RBFOX3: variants seen among roughly 807,000 people sequenced by gnomAD.
RBFOX3 encodes RNA binding fox-1 homolog 3, also known as RNA binding protein fox-1 homolog 3.
In RBFOX3, 17 loss-of-function variants were observed where a neutral mutation model predicts 48.7. That is an observed-to-expected ratio of 0.35 (90% CI 0.24 to 0.52). The LOEUF is 0.52. Ranked by LOEUF, RBFOX3 falls within the 20% of genes least tolerant of loss-of-function variation. RBFOX3 has a pLI of 0.94. For missense variants in RBFOX3, 382 were observed against 497.5 expected (o/e 0.77, Z 2.21); for synonymous variants, 212 against 209.5 (o/e 1.01, Z -0.10).
At chr17:79,620,200 C>CAT in the RBFOX3 span, among the ~76,000 whole-genome samples, 242 of 150,564 alleles carry the variant, frequency 1.6e-3, 2 homozygotes, top group Middle Eastern at 0.025. Flanking sequence ...CATGCACACA[C>CAT]GTGCACATGC....
chr17:79,540,660 G>A (rs1039715753), intron 1 of RBFOX3, among the ~76,000 whole-genome samples: 12 of 152,242 alleles, frequency 7.9e-5, no homozygotes, highest in Admixed American at 2.6e-4. Context: ...GTGCACAGAC[G>A]TGGGCTGAGA....
At chr17:79,267,904 G>A (rs774173475) in intron 3 of RBFOX3, among the ~76,000 whole-genome samples, 15 of 152,150 alleles carry the variant, frequency 9.9e-5, no homozygotes, top group Non-Finnish European at 1.9e-4. Context: ...GGAAGGAGGT[G>A]TCTCTCCAGC....
chr17:79,585,802 T>C (rs2093231811), intron 1 of RBFOX3, among the ~76,000 whole-genome samples: 1 of 152,010 alleles, frequency 6.6e-6, no homozygotes, highest in Non-Finnish European at 1.5e-5. Context: ...ATGAGCCTGA[T>C]GGGCCGAGAG....
rs1286571358 is a variant in RBFOX3, at chr17:79,204,509, G to C, written c.-34+31257C>G. Among the ~76,000 whole-genome samples the C allele has an allele frequency of 6.6e-6, 1 of 152,184 alleles. No homozygotes were observed. Among genetic ancestry groups the C allele is most frequent in the African/African-American group, 2.4e-5 (1 of 41,432 alleles). On this transcript the variant is annotated intron_variant, in intron 4 of 14. Transcript: ENST00000693108. The surrounding 1 kb of genome is among the most constrained non-coding windows in gnomAD (Gnocchi z 4.5). ...CACATACCGACAGCATTCAGTCAAC[G>C]AGGTCGACGCGCTGGAACTACTTTG...
intron 14 of RBFOX3, chr17:79,092,009 G>A: frequency 1.0e-6 from 1 of 985,462 alleles, no homozygotes; most frequent in Non-Finnish European, 1.2e-6. Context: ...GAGGGGCAGT[G>A]GCTACTCCTG....
intron 2 of RBFOX3, among the ~76,000 whole-genome samples, chr17:79,415,440 C>A (rs1265500443): frequency 6.6e-6 from 1 of 152,198 alleles, no homozygotes; most frequent in Non-Finnish European, 1.5e-5. Context: ...CCGACCCTAG[C>A]GGCTGTGGAA....
At position 79,089,683 on chromosome 17, in the gene RBFOX3, G is replaced by A. The variant is rs1313969864; in HGVS notation, c.*1200C>T. ...ACACTTCATGAGACAGTGGAGCCAC[G>A]TTGGGAGCCTGTATTTTTTGCTGCT... On this transcript the variant is annotated 3_prime_UTR_variant, in exon 15 of 15. Transcript: ENST00000693108. The A allele has an allele frequency of 2.0e-5, 3 of 152,612 alleles. No individual in the cohort carries two copies. The highest frequency in any genetic ancestry group is 4.4e-5 in the Non-Finnish European group (3 of 68,048). The allele number at this position is 152,612 out of a possible 1,614,324, so 9.5% of individuals were successfully genotyped here.
intron 4 of RBFOX3, among the ~76,000 whole-genome samples, chr17:79,184,269 C>T (rs974402834): frequency 2.0e-5 from 3 of 152,232 alleles, no homozygotes; most frequent in African/African-American, 7.2e-5. Context: ...GCCACAGGCA[C>T]CTGGTCTTGT....
At chr17:79,582,222 G>A in intron 1 of RBFOX3, among the ~76,000 whole-genome samples, 1 of 151,806 alleles carries the variant, frequency 6.6e-6, no homozygotes. Flanking sequence ...GCGTGCCTGT[G>A]TATGCATGCA....
Position 79,311,573 on chromosome 17 carries a change from TGTCA to T in RBFOX3, c.-174-3753_-174-3750del, listed in dbSNP as rs1349338186. Among the ~76,000 whole-genome samples, 3 of 152,152 alleles carry T rather than the reference TGTCA, an allele frequency of 2.0e-5. No individual in the cohort carries two copies. Among genetic ancestry groups the T allele is most frequent in the Non-Finnish European group, 4.4e-5 (3 of 68,032 alleles). On this transcript the variant is annotated intron_variant, in intron 2 of 14. Transcript: ENST00000693108. This position sits in a 1 kb window ranked among gnomAD's most constrained non-coding sequence, Gnocchi z 4.2. ...TTCCTTAAAATCTGTCTGTCCTATC[TGTCA>T]ATCAATCAATAATCAATCAATCAAT...
At chr17:79,231,084 G>T (rs192193088) in intron 4 of RBFOX3, among the ~76,000 whole-genome samples, 2 of 152,306 alleles carry the variant, frequency 1.3e-5, no homozygotes, top group African/African-American at 2.4e-5. Flanking sequence ...AGGCCATGGT[G>T]CAGTGACCCC....
In RBFOX3 at chr17:79,198,940, T is replaced by G. The variant is rs1479689307; in HGVS notation, c.-34+36826A>C. The stretch of plus-strand genomic sequence containing the variant: ...CACTGCACCTGGCCGAGCTTTTTGA[T>G]GCCTAATATTCTACTGCTTCCCACT... On this transcript the variant is annotated intron_variant, in intron 4 of 14. Transcript: ENST00000693108. This position sits in a 1 kb window ranked among gnomAD's most constrained non-coding sequence, Gnocchi z 8.2. 6.6e-6 allele frequency among the ~76,000 whole-genome samples: 1 copy of G among 152,258 alleles called. No homozygotes were observed. Among genetic ancestry groups the G allele is most frequent in the African/African-American group, 2.4e-5 (1 of 41,574 alleles).
intron 1 of RBFOX3, among the ~76,000 whole-genome samples, chr17:79,492,351 T>C (rs1234869430): frequency 3.3e-5 from 5 of 152,170 alleles, no homozygotes; most frequent in African/African-American, 1.2e-4. Context: ...GTGTGACCAA[T>C]AGAATTCAGC....
intron 3 of RBFOX3, among the ~76,000 whole-genome samples, chr17:79,253,340 G>A (rs1165505851): frequency 3.3e-5 from 5 of 151,282 alleles, no homozygotes; most frequent in Non-Finnish European, 7.4e-5. Context: ...AGATGATCCA[G>A]CTGAGGTTAA....
At chr17:79,149,780 G>A (rs915378221) in intron 4 of RBFOX3, among the ~76,000 whole-genome samples, 10 of 151,308 alleles carry the variant, frequency 6.6e-5, no homozygotes, top group Non-Finnish European at 8.8e-5. Flanking sequence ...AGGGCAGGGC[G>A]GCTGCTGGGC....
At chr17:79,626,095 G>A in the RBFOX3 span, among the ~76,000 whole-genome samples, 6 of 152,206 alleles carry the variant, frequency 3.9e-5, no homozygotes, top group East Asian at 1.9e-4. Context: ...GGCAGTAAGC[G>A]GCATCCTGTT....
chr17:79,200,150 G>A (rs973892909), intron 4 of RBFOX3, among the ~76,000 whole-genome samples: 3 of 117,042 alleles, frequency 2.6e-5, no homozygotes, highest in African/African-American at 3.1e-5. Context: ...GTGACAGAGC[G>A]AGACTCCGTC....
At chr17:79,387,021 A>T (rs1026143730) in intron 2 of RBFOX3, among the ~76,000 whole-genome samples, 1 of 152,056 alleles carries the variant, frequency 6.6e-6, no homozygotes, top group African/African-American at 2.4e-5. Context: ...TTTTTACATG[A>T]TTTTCCCCAC....
chr17:79,570,956 G>T (rs1445423447), intron 1 of RBFOX3, among the ~76,000 whole-genome samples: 2 of 152,214 alleles, frequency 1.3e-5, no homozygotes, highest in African/African-American at 4.8e-5. Context: ...ACTGAAGGAT[G>T]AGGGGGGGCC....
Sources: allele counts gnomAD v4.1 joint callset (sites outside exome capture counted in the v4.1 genomes callset), GRCh38; gene constraint gnomAD v4.1.1; non-coding constraint Gnocchi (gnomAD v3.1); transcripts MANE v1.5; gene names NCBI Gene and HGNC (gene_info 2026-07-23, HGNC 2026-07-21).